The following NRG2 variants were observed in gnomAD, a reference collection of about 807,000 sequenced individuals.
The protein encoded by NRG2 is pro-neuregulin-2, membrane-bound isoform.
In NRG2, 27 loss-of-function variants were observed where a neutral mutation model predicts 73.9. The observed-to-expected ratio is 0.37, with a 90% CI of 0.27 to 0.50. The LOEUF (loss-of-function observed/expected upper bound fraction) is 0.50, where lower values mean the gene tolerates loss of function less well. Ranked by LOEUF, NRG2 falls within the 20% of genes least tolerant of loss-of-function variation. The pLI is 0.96. For missense variants in NRG2, 1,126 were observed against 1,210.1 expected (o/e 0.93, Z 1.03); for synonymous variants, 532 against 541.0 (o/e 0.98, Z 0.23).
chr5:139,858,816 C>A (rs1221606874), intron 5 of NRG2, among the ~76,000 whole-genome samples: 1 of 152,172 alleles, frequency 6.6e-6, no homozygotes, highest in African/African-American at 2.4e-5. Flanking sequence ...ATCACAGACC[C>A]CACACGGACT....
At chr5:139,903,750 C>T (rs1218960791) in intron 1 of NRG2, among the ~76,000 whole-genome samples, 1 of 152,264 alleles carries the variant, frequency 6.6e-6, no homozygotes, top group Non-Finnish European at 1.5e-5. Flanking sequence ...CAGCGGCTCC[C>T]CTTCTCTCTG....
chr5:139,996,040 G>A (rs1021635461), intron 1 of NRG2, among the ~76,000 whole-genome samples: 1 of 152,022 alleles, frequency 6.6e-6, no homozygotes, highest in Non-Finnish European at 1.5e-5. Flanking sequence ...AGAAAGAAAA[G>A]AAGGGAAAAC....
Position 139,887,463 on chromosome 5 carries a change from C to T in NRG2, c.749G>A (p.Gly250Asp). Reference sequence around the variant, plus strand: ...CTCACACTTCAGCGATTGCTTCTCACCCACCTGTCCCGTCTGGCTCTTCAT... The same window carrying T: ...CTCACACTTCAGCGATTGCTTCTCATCCACCTGTCCCGTCTGGCTCTTCAT... ...KKMKSQTGQV[G>D]EKQSLKCEAA... is the part of the protein sequence containing the mutation. Residue 250 changes from glycine (G) to aspartate (D), a missense_variant, in exon 2 of 10, where the codon GGT (glycine) becomes GAT (aspartate). Gly to Asp is a moderately conservative substitution (Grantham distance 94). Around this residue, in one of 3 missense-constraint regions of NRG2, gnomAD observed 539 missense variants for 703.2 expected, o/e 0.77. Transcript: ENST00000361474. The surrounding 1 kb of genome is among the most constrained non-coding windows in gnomAD (Gnocchi z 4.5). 5 of 1,614,226 alleles carry T rather than the reference C, an allele frequency of 3.1e-6. No homozygotes were observed. Among genetic ancestry groups the T allele is most frequent in the Non-Finnish European group, 4.2e-6 (5 of 1,180,038 alleles).
intron 1 of NRG2, among the ~76,000 whole-genome samples, chr5:139,931,023 C>CATTA (rs1752432249): frequency 3.3e-5 from 5 of 152,330 alleles, no homozygotes; most frequent in Admixed American, 2.6e-4. Flanking sequence ...TTTGAATGCT[C>CATTA]GCCTAGTCAT....
chr5:140,042,862 GT>G lies in NRG2; in HGVS notation c.207del (p.Gln69HisfsTer25). On this transcript the variant is annotated frameshift_variant, in exon 1 of 10. Transcript: ENST00000361474. LOFTEE classifies it high-confidence loss of function. ...PAAPPEPRPQ[Q>X]QPQPRSPAAR... ...GCTGCGGGGCTGCGGGGCTGCGGCTGTTGCTGCGGCCGCGGCTCTGGGGGCG... is the reference window on the plus strand; with the variant it reads ...GCTGCGGGGCTGCGGGGCTGCGGCTGTGCTGCGGCCGCGGCTCTGGGGGCG... 1 of 1,506,328 alleles carries G rather than the reference GT, an allele frequency of 6.6e-7. No homozygotes were observed. The highest frequency in any genetic ancestry group is 8.8e-7 in the Non-Finnish European group (1 of 1,130,258). The allele number at this position is 1,506,328 out of a possible 1,614,324, so 93.3% of individuals were successfully genotyped here. A position where few individuals can be genotyped will look rare whatever the true frequency, so the allele number is the denominator to read the frequency against.
intron 5 of NRG2, among the ~76,000 whole-genome samples, chr5:139,861,970 G>A (rs1454760529): frequency 2.6e-5 from 4 of 152,232 alleles, no homozygotes; most frequent in Middle Eastern, 3.2e-3. Flanking sequence ...TATTAGATGA[G>A]GCAGCTGGGG....
intron 1 of NRG2, among the ~76,000 whole-genome samples, chr5:140,017,904 G>A (rs931656080): frequency 6.6e-6 from 1 of 152,152 alleles, no homozygotes; most frequent in African/African-American, 2.4e-5. Flanking sequence ...CTCCTGAGAA[G>A]GTGAGAAGGG....
chr5:139,871,178 A>AG (rs779605969), intron 4 of NRG2: 3 of 154,170 alleles, frequency 1.9e-5, no homozygotes, highest in Non-Finnish European at 2.9e-5. Context: ...CCAGATCCTG[A>AG]GGTCAGTACT....
At chr5:139,885,371 G>A (rs765068286) in intron 2 of NRG2, among the ~76,000 whole-genome samples, 20 of 152,234 alleles carry the variant, frequency 1.3e-4, no homozygotes, top group Non-Finnish European at 2.4e-4. Context: ...TGAGAGGCCT[G>A]GAGGCCTGAG....
chr5:140,011,157 G>A (rs1034384831), intron 1 of NRG2, among the ~76,000 whole-genome samples: 1 of 152,162 alleles, frequency 6.6e-6, no homozygotes, highest in East Asian at 1.9e-4. Flanking sequence ...TAACAATCTG[G>A]CCACAGCCTA....
chr5:140,017,877 A>G (rs1179953406), intron 1 of NRG2, among the ~76,000 whole-genome samples: 1 of 152,234 alleles, frequency 6.6e-6, no homozygotes, highest in East Asian at 1.9e-4. Flanking sequence ...AGAGAAGGAA[A>G]AGTCAGTGGT....
intron 1 of NRG2, among the ~76,000 whole-genome samples, chr5:139,893,722 G>T (rs1447515918): frequency 6.6e-6 from 1 of 152,170 alleles, no homozygotes; most frequent in East Asian, 1.9e-4. Flanking sequence ...CTTCCTCCTG[G>T]GACAAGGGTT....
At chr5:139,964,881 T>C (rs1174171493) in intron 1 of NRG2, among the ~76,000 whole-genome samples, 2 of 152,194 alleles carry the variant, frequency 1.3e-5, no homozygotes, top group African/African-American at 2.4e-5. Context: ...GAGATGGTTT[T>C]TGTCTGACTG....
chr5:139,927,904 C>T lies in NRG2; in HGVS notation c.701-40393G>A, dbSNP rs529986311. 1.1e-4 allele frequency among the ~76,000 whole-genome samples: 17 copies of T among 152,142 alleles called. No individual in the cohort carries two copies. In the South Asian group the frequency reaches 3.5e-3, roughly 32 times the overall value. On this transcript the variant is annotated intron_variant, in intron 1 of 9. Transcript: ENST00000361474. ...ATTTCACTGGCTTTGGATGAGATGG[C>T]CACCAGTTCACAACTTTATCTACCT...
intron 5 of NRG2, among the ~76,000 whole-genome samples, chr5:139,860,091 T>C (rs1379258385): frequency 6.6e-6 from 1 of 152,078 alleles, no homozygotes; most frequent in Non-Finnish European, 1.5e-5. Context: ...CTGAGCTCCT[T>C]CCCTGACACC....
intron 1 of NRG2, among the ~76,000 whole-genome samples, chr5:139,966,213 A>G (rs1755504533): frequency 1.3e-5 from 2 of 152,182 alleles, no homozygotes; most frequent in Admixed American, 1.3e-4. Context: ...CTAAACACCC[A>G]GAGAATCCAG....
At position 139,848,194 on chromosome 5, in the gene NRG2, G is replaced by T. The variant is rs1387846958; in HGVS notation, c.2276C>A (p.Ala759Glu). Residue 759 changes from alanine to glutamate, a missense_variant, in exon 10 of 10, where the codon GCG becomes GAG. By Grantham distance (107) the Ala-to-Glu change is moderately radical (BLOSUM62 -1). Around this residue, in one of 3 missense-constraint regions of NRG2, gnomAD observed 402 missense variants for 357.8 expected, o/e 1.12. Transcript: ENST00000361474. ...NGLAAQRARAARDSLSLSSGS... is the reference protein window; with the variant it reads ...NGLAAQRARAERDSLSLSSGS... Reference sequence around the variant, plus strand: ...GCTGCTCAGCGACAGCGAGTCCCTCGCCGCCCGTGCGCGCTGCGCCGCCAG... The same window carrying T: ...GCTGCTCAGCGACAGCGAGTCCCTCTCCGCCCGTGCGCGCTGCGCCGCCAG... The T allele has an allele frequency of 7.5e-7, 1 of 1,341,828 alleles. No homozygotes were observed. The highest frequency in any genetic ancestry group is 9.5e-7 in the Non-Finnish European group (1 of 1,051,456). The allele number at this position is 1,341,828 out of a possible 1,614,324, so 83.1% of individuals were successfully genotyped here.
chr5:139,994,056 T>C (rs1757850461), intron 1 of NRG2, among the ~76,000 whole-genome samples: 1 of 152,194 alleles, frequency 6.6e-6, no homozygotes, highest in Non-Finnish European at 1.5e-5. Context: ...TTTTTAAAAA[T>C]GTATGATTTA....
In NRG2 at chr5:139,893,917, G is replaced by C. The variant is rs548730741; in HGVS notation, c.701-6406C>G. 5.3e-5 allele frequency among the ~76,000 whole-genome samples: 8 copies of C among 152,326 alleles called. No homozygotes were observed. In the South Asian group the frequency reaches 1.2e-3, roughly 24 times the overall value. On this transcript the variant is annotated intron_variant, in intron 1 of 9. Coordinates refer to ENST00000361474, the MANE Select transcript of NRG2 (RefSeq NM_004883.3). ...GGCCACAGGGTATCCGGTGGCTTCT[G>C]CTTCCTATCTCCTGGTGCCAAGCCA...
Sources: allele counts gnomAD v4.1 joint callset (sites outside exome capture counted in the v4.1 genomes callset), GRCh38; gene constraint gnomAD v4.1.1; regional missense constraint gnomAD v4.1.1; non-coding constraint Gnocchi (gnomAD v3.1); transcripts MANE v1.5; gene names NCBI Gene and HGNC (gene_info 2026-07-23, HGNC 2026-07-21).